PTDSS1: variants seen among roughly 807,000 people sequenced by gnomAD.
The protein encoded by PTDSS1 is PSS-1.
A neutral mutation model predicts 70.5 loss-of-function variants in PTDSS1; 45 were observed. The observed-to-expected ratio is 0.64, with a 90% CI of 0.50 to 0.82. The LOEUF (loss-of-function observed/expected upper bound fraction) is 0.82, where lower values mean the gene tolerates loss of function less well. Ranked by LOEUF, PTDSS1 falls within the 40% of genes least tolerant of loss-of-function variation. PTDSS1 has a pLI of 0.00. For synonymous variants in PTDSS1, 188 were observed against 203.8 expected, an observed-to-expected ratio of 0.92 and a Z score of 0.66; for missense variants, 417 against 586.1, an observed-to-expected ratio of 0.71 and a Z score of 2.98.
At chr8:96,284,290 T>C in intron 3 of PTDSS1, 137 bp downstream of exon 3, 1 of 720,492 alleles carries the variant, frequency 1.4e-6, no homozygotes, top group African/African-American at 1.8e-5. Context: ...GTTCCTAATA[T>C]ACATGTTTTC....
rs558912753 is a variant in PTDSS1 at position 96,282,966 on chromosome 8, C to T, written c.272-1143C>T. Among the ~76,000 whole-genome samples, 9 of 152,218 alleles carry T rather than the reference C, an allele frequency of 5.9e-5. No individual in the cohort carries two copies. The East Asian group carries it at 1.7e-3, about 29-fold the overall frequency. ...TATTCTGAGCTTCCAGAAACAGGCACCACCCACAGAGCTGTTCTAAGGAGG... is the reference window on the plus strand; with the variant it reads ...TATTCTGAGCTTCCAGAAACAGGCATCACCCACAGAGCTGTTCTAAGGAGG... On this transcript the variant is annotated intron_variant, in intron 2 of 12. Coordinates refer to ENST00000517309, the MANE Select transcript of PTDSS1 (RefSeq NM_014754.3).
chr8:96,307,444 A>T, intron 8 of PTDSS1, among the ~76,000 whole-genome samples: 1 of 120,928 alleles, frequency 8.3e-6, no homozygotes. Context: ...ATCATTCAAT[A>T]TTACCAAAAA....
At chr8:96,332,752 T>C (rs114366618) in intron 12 of PTDSS1, among the ~76,000 whole-genome samples, 3 of 152,220 alleles carry the variant, frequency 2.0e-5, no homozygotes, top group East Asian at 1.9e-4. Flanking sequence ...CTAAGTCAAA[T>C]GCTCCTTACA....
chr8:96,294,636 C>T (rs545875785), intron 4 of PTDSS1, among the ~76,000 whole-genome samples: 9 of 151,972 alleles, frequency 5.9e-5, no homozygotes, highest in South Asian at 2.1e-4. Context: ...TCAATTTTTA[C>T]GTGGTGTATT....
chr8:96,269,888 A>G (rs1810540587), intron 1 of PTDSS1, among the ~76,000 whole-genome samples: 1 of 152,220 alleles, frequency 6.6e-6, no homozygotes, highest in Non-Finnish European at 1.5e-5. Flanking sequence ...GTGGACGTAA[A>G]TGAAGGGCAT....
intron 2 of PTDSS1, among the ~76,000 whole-genome samples, chr8:96,283,305 G>A (rs370670975): frequency 6.6e-6 from 1 of 152,210 alleles, no homozygotes; most frequent in African/African-American, 2.4e-5. Context: ...TTCAAAAGGC[G>A]TGGGTAGACC....
Position 96,333,983 on chromosome 8 carries a change from A to G in PTDSS1, c.*417A>G. Reference sequence around the variant, plus strand: ...CACCAGTTTTTATTTTATTTTTATGAATCTACCTTTCCATTGATTGATTTA... The same window carrying G: ...CACCAGTTTTTATTTTATTTTTATGGATCTACCTTTCCATTGATTGATTTA... On this transcript the variant is annotated 3_prime_UTR_variant, in exon 13 of 13. Transcript: ENST00000517309. The G allele has an allele frequency of 2.2e-6, 1 of 453,612 alleles. No individual in the cohort carries two copies. Among genetic ancestry groups the G allele is most frequent in the Non-Finnish European group, 3.9e-6 (1 of 256,682 alleles). 28.1% of individuals were successfully genotyped at this position (453,612 alleles called of 1,614,324 possible).
intron 2 of PTDSS1, among the ~76,000 whole-genome samples, chr8:96,281,104 G>A (rs991541952): frequency 9.2e-5 from 14 of 152,276 alleles, no homozygotes; most frequent in Non-Finnish European, 1.9e-4. Flanking sequence ...CTTGACTGGA[G>A]TAGCCAGGTG....
chr8:96,267,535 G>A (rs140101306), intron 1 of PTDSS1, among the ~76,000 whole-genome samples: 1 of 152,024 alleles, frequency 6.6e-6, no homozygotes, highest in African/African-American at 2.4e-5. Flanking sequence ...TAAAATTCTC[G>A]TTTATCTAAT....
rs755748905 is a variant in PTDSS1 at position 96,330,513 on chromosome 8, A to T, written c.1242+232A>T. The stretch of plus-strand genomic sequence containing the variant: ...TATTTTTGTCTAACTTTTGTTAGAT[A>T]AAAAAAGTTATGTTTGTTTGGAGAA... On this transcript the variant is annotated intron_variant, in intron 11 of 12. Transcript: ENST00000517309. 9.6e-6 allele frequency: 5 copies of T among 523,332 alleles called. No homozygotes were observed. In the East Asian group the frequency reaches 1.6e-4, roughly 17 times the overall value. 32.4% of individuals were successfully genotyped at this position (523,332 alleles called of 1,614,324 possible).
intron 9 of PTDSS1, among the ~76,000 whole-genome samples, chr8:96,313,601 A>T (rs1359888788): frequency 6.6e-6 from 1 of 152,206 alleles, no homozygotes; most frequent in African/African-American, 2.4e-5. Flanking sequence ...AGCAGTGCAC[A>T]GTTGCTTTTC....
chr8:96,271,329 AATG>A (rs1795546315), intron 1 of PTDSS1, among the ~76,000 whole-genome samples: 1 of 152,224 alleles, frequency 6.6e-6, no homozygotes, highest in Admixed American at 6.5e-5. Context: ...TTATTTACTT[AATG>A]ATATCTTTTA....
chr8:96,293,942 G>A (rs1810941700), intron 4 of PTDSS1, among the ~76,000 whole-genome samples: 1 of 152,168 alleles, frequency 6.6e-6, no homozygotes, highest in African/African-American at 2.4e-5. Flanking sequence ...GATTCTCTGT[G>A]ACAAGAACGT....
At chr8:96,306,224 C>A (rs1164196417) in intron 7 of PTDSS1, among the ~76,000 whole-genome samples, 2 of 152,186 alleles carry the variant, frequency 1.3e-5, no homozygotes, top group Admixed American at 1.3e-4. Flanking sequence ...TGTGCCCATC[C>A]ACCACCCCTG....
At chr8:96,327,016 AG>A (rs1264139060) in intron 10 of PTDSS1, among the ~76,000 whole-genome samples, 3 of 152,218 alleles carry the variant, frequency 2.0e-5, no homozygotes, top group Non-Finnish European at 4.4e-5. Flanking sequence ...TGCTAGCGAC[AG>A]ATTGGAGGAT....
intron 10 of PTDSS1, among the ~76,000 whole-genome samples, chr8:96,329,034 A>C (rs997424760): frequency 2.4e-4 from 37 of 152,280 alleles, no homozygotes; most frequent in African/African-American, 8.4e-4. Context: ...CTTCTGGAAA[A>C]TGAGGGGCAA....
At chr8:96,315,192 C>A (rs1008817504) in intron 9 of PTDSS1, among the ~76,000 whole-genome samples, 1 of 152,208 alleles carries the variant, frequency 6.6e-6, no homozygotes. Flanking sequence ...CCCTTCCTGG[C>A]ATCCTGTGTG....
intron 9 of PTDSS1, among the ~76,000 whole-genome samples, chr8:96,311,632 G>C (rs999189642): frequency 1.3e-5 from 2 of 152,168 alleles, no homozygotes; most frequent in African/African-American, 4.8e-5. Context: ...ATTTAGGCAG[G>C]TTCCTCCCGA....
chr8:96,305,571 C>G (rs1006777256), intron 7 of PTDSS1, among the ~76,000 whole-genome samples: 18 of 152,198 alleles, frequency 1.2e-4, no homozygotes, highest in African/African-American at 3.9e-4. Context: ...GAAACTTGGA[C>G]CAACCCTTCA....
Sources: gnomAD v4.1 joint callset for allele counts (sites outside exome capture counted in the v4.1 genomes callset) on GRCh38, gnomAD v4.1.1 for gene constraint, MANE v1.5 for transcripts, NCBI Gene and HGNC (gene_info 2026-07-23, HGNC 2026-07-21) for gene names.